Variants in POLE2 observed in about 807,000 individuals in gnomAD.
POLE2 encodes DNA polymerase epsilon 2, accessory subunit.
In POLE2, 56 loss-of-function variants were observed where a neutral mutation model predicts 79.4. The observed-to-expected ratio is 0.71, with a 90% confidence interval of 0.57 to 0.88. The LOEUF (loss-of-function observed/expected upper bound fraction) is 0.88, where lower values mean the gene tolerates loss of function less well. Ranked by LOEUF, POLE2 falls within the 40% of genes least tolerant of loss-of-function variation. The pLI is 0.00. For synonymous variants in POLE2, 212 were observed against 214.0 expected, an observed-to-expected ratio of 0.99 and a Z score of 0.08; for missense variants, 598 against 638.9, an observed-to-expected ratio of 0.94 and a Z score of 0.69.
intron 1 of POLE2, 148 bp downstream of exon 1, chr14:49,687,988 G>T: frequency 1.5e-6 from 1 of 648,986 alleles, no homozygotes; most frequent in South Asian, 1.8e-5. Context: ...GTGAGCCACC[G>T]CGCCCGACCG....
At chr14:49,671,809 C>G (rs1262184147) in intron 5 of POLE2, among the ~76,000 whole-genome samples, 1 of 151,782 alleles carries the variant, frequency 6.6e-6, no homozygotes, top group African/African-American at 2.4e-5. Context: ...AAAAAGTTAA[C>G]TGGGTGTGGT....
rs753705907 is a variant in POLE2, at chr14:49,643,680, GAA to G, written c.1566-12_1566-11del. ...AAAGCCTTGAAGTTTGCTGAAAATA[GAA>G]AAAAAAATTAAATATTTGGAAACCT... On this transcript the variant is annotated splice_polypyrimidine_tract_variant and intron_variant, in intron 18 of 18. Transcript: ENST00000216367. The G allele has an allele frequency of 7.5e-7, 1 of 1,327,166 alleles. No homozygotes were observed. The highest frequency in any genetic ancestry group is 1.3e-5 in the South Asian group (1 of 77,688). The allele number at this position is 1,327,166 out of a possible 1,614,324, so 82.2% of individuals were successfully genotyped here. A position where few individuals can be genotyped will look rare whatever the true frequency, so the allele number is the denominator to read the frequency against.
At chr14:49,665,001 G>A in intron 8 of POLE2, 106 bp downstream of exon 8, 2 of 680,354 alleles carry the variant, frequency 2.9e-6, no homozygotes, top group South Asian at 3.3e-5. Flanking sequence ...GCAACATAGA[G>A]AAGTTACATT....
chr14:49,652,173 A>AGTAAAAGCTG (rs1566531388), intron 15 of POLE2, among the ~76,000 whole-genome samples: 3 of 38,926 alleles, frequency 7.7e-5, no homozygotes, highest in Non-Finnish European at 1.5e-4. Flanking sequence ...TACGGAGAGG[A>AGTAAAAGCTG]GAATGGCATG....
At chr14:49,663,294 A>C in intron 10 of POLE2, 21 bp downstream of exon 10, 5 of 1,414,666 alleles carry the variant, frequency 3.5e-6, no homozygotes, top group Non-Finnish European at 3.9e-6. Context: ...CCCATAGAGT[A>C]TAAACCAAAC....
chr14:49,681,377 C>T, intron 2 of POLE2: 1 of 197,712 alleles, frequency 5.1e-6, no homozygotes. Context: ...GACTGCAAAT[C>T]ATAAAAAACT....
intron 5 of POLE2, among the ~76,000 whole-genome samples, chr14:49,671,096 C>T (rs76440654): frequency 6.6e-6 from 1 of 152,266 alleles, no homozygotes; most frequent in African/African-American, 2.4e-5. Context: ...CTGTTTATTT[C>T]ACAGATGAAT....
chr14:49,669,458 G>C, intron 6 of POLE2, 66 bp downstream of exon 6: 2 of 819,544 alleles, frequency 2.4e-6, no homozygotes, highest in Non-Finnish European at 4.2e-6. Context: ...CAATGAATTA[G>C]AATTAAGCAA....
intron 8 of POLE2, 59 bp from the exon 9 acceptor site, chr14:49,664,733 A>C: frequency 9.6e-7 from 1 of 1,044,698 alleles, no homozygotes. Flanking sequence ...GTCAACATAC[A>C]TTTTGAGTCC....
At chr14:49,679,047 G>A (rs908825988) in intron 3 of POLE2, among the ~76,000 whole-genome samples, 1 of 151,936 alleles carries the variant, frequency 6.6e-6, no homozygotes, top group African/African-American at 2.4e-5. Context: ...GTTCTGACAG[G>A]GAGAAGATTA....
rs376588137 is a variant in POLE2 at position 49,668,251 on chromosome 14, CAG to C, written c.492+1271_492+1272del. On this transcript the variant is annotated intron_variant, in intron 6 of 18. Transcript: ENST00000216367. ...CACTACTGAACTACAGCCTGGGTGA[CAG>C]AGCAAGACTCTGCCAGAAAGAAAGG... Among the ~76,000 whole-genome samples the C allele has an allele frequency of 2.0e-3, 302 of 151,814 alleles. 3 individuals are homozygous for C. Among genetic ancestry groups the C allele is most frequent in the African/African-American group, 6.8e-3 (282 of 41,360 alleles).
intron 17 of POLE2, among the ~76,000 whole-genome samples, chr14:49,649,389 G>GC (rs1395931198): frequency 6.9e-6 from 1 of 145,688 alleles, no homozygotes; most frequent in East Asian, 2.1e-4. Flanking sequence ...CTCGTGATCT[G>GC]CCCGCCTTGG....
chr14:49,647,073 C>T, intron 18 of POLE2: 1 of 359,596 alleles, frequency 2.8e-6, no homozygotes, highest in Non-Finnish European at 5.0e-6. Flanking sequence ...TGAGATTTCC[C>T]CCAGAAAACA....
chr14:49,649,134 TC>T, intron 17 of POLE2, among the ~76,000 whole-genome samples: 1 of 148,190 alleles, frequency 6.7e-6, no homozygotes, highest in African/African-American at 2.5e-5. Context: ...TATATTTCTT[TC>T]CCTTTTTTTT....
chr14:49,677,708 G>A lies in POLE2; in HGVS notation c.245+2017C>T, dbSNP rs573515349. ...AATGGTGTTCAAGAAACGTGACAGT[G>A]TGGCCCTTGCTGTGCAGAACCAACT... On this transcript the variant is annotated intron_variant, in intron 3 of 18. Transcript: ENST00000216367. The A allele has an allele frequency of 7.7e-5, 106 of 1,383,010 alleles. No homozygotes were observed. The African/African-American group carries it at 1.5e-3, about 19-fold the overall frequency. 85.7% of individuals were successfully genotyped at this position (1,383,010 alleles called of 1,614,324 possible). A position where few individuals can be genotyped will look rare whatever the true frequency, so the allele number is the denominator to read the frequency against.
rs1884221383 is a variant in POLE2 at position 49,651,406 on chromosome 14, C to T, written c.1212-29G>A. 3 of 952,310 alleles carry T rather than the reference C, an allele frequency of 3.2e-6. No homozygotes were observed. The South Asian group carries it at 4.7e-5, about 15-fold the overall frequency. 59.0% of individuals were successfully genotyped at this position (952,310 alleles called of 1,614,324 possible). On this transcript the variant is annotated intron_variant, in intron 15 of 18. Transcript: ENST00000216367. Reference sequence around the variant, plus strand: ...AAATGAAAACAGTAGTTGAATTTGACTTCTCAGAAAAAAATGATATTAATT... The same window carrying T: ...AAATGAAAACAGTAGTTGAATTTGATTTCTCAGAAAAAAATGATATTAATT...
At chr14:49,668,803 TTTTG>T (rs1030581606) in intron 6 of POLE2, among the ~76,000 whole-genome samples, 4 of 151,932 alleles carry the variant, frequency 2.6e-5, no homozygotes, top group African/African-American at 9.7e-5. Flanking sequence ...CTAATAAAAG[TTTTG>T]TTTGTTTGTT....
chr14:49,652,700 GA>G (rs1884361327), intron 15 of POLE2, among the ~76,000 whole-genome samples: 1 of 152,040 alleles, frequency 6.6e-6, no homozygotes, highest in African/African-American at 2.4e-5. Context: ...CCCCAGATGG[GA>G]CCGTCTGGTT....
chr14:49,676,215 T>C (rs943569594), intron 3 of POLE2, among the ~76,000 whole-genome samples: 4 of 152,224 alleles, frequency 2.6e-5, no homozygotes, highest in African/African-American at 9.6e-5. Context: ...TTTAATAATA[T>C]AACCATGTTT....
Sources: gnomAD v4.1 joint callset for allele counts (sites outside exome capture counted in the v4.1 genomes callset) on GRCh38, gnomAD v4.1.1 for gene constraint, MANE v1.5 for transcripts, NCBI Gene and HGNC (gene_info 2026-07-23, HGNC 2026-07-21) for gene names.